Variants in LRP1B observed in about 807,000 individuals in gnomAD.
LRP1B encodes LDL receptor related protein 1B.
LRP1B carries 217 observed loss-of-function variants against 556.6 expected under a neutral mutation model. That is an observed-to-expected ratio of 0.39 (90% CI 0.35 to 0.44). The LOEUF is 0.44. Ranked by LOEUF, LRP1B falls within the 20% of genes least tolerant of loss-of-function variation. The pLI is 1.00. For synonymous variants in LRP1B, 2,047 were observed against 1,865.8 expected, an observed-to-expected ratio of 1.10 and a Z score of -2.50; for missense variants, 5,053 against 5,620.8, an observed-to-expected ratio of 0.90 and a Z score of 3.23.
At chr2:141,736,172 C>T (rs1693461574) in intron 2 of LRP1B, among the ~76,000 whole-genome samples, 2 of 152,008 alleles carry the variant, frequency 1.3e-5, no homozygotes, top group African/African-American at 4.8e-5. Flanking sequence ...GTGGATTTCT[C>T]AGGCTGAGAA....
At chr2:141,152,782 G>T (rs1392915151) in intron 7 of LRP1B, among the ~76,000 whole-genome samples, 1 of 151,342 alleles carries the variant, frequency 6.6e-6, no homozygotes, top group Non-Finnish European at 1.5e-5. Context: ...GAATGAATCG[G>T]TTAAATTCTT....
At chr2:141,904,869 G>T (rs562128899) in intron 1 of LRP1B, among the ~76,000 whole-genome samples, 28 of 151,928 alleles carry the variant, frequency 1.8e-4, no homozygotes, top group African/African-American at 6.5e-4. Context: ...TTTTAATTGC[G>T]GCTGACAAGT....
chr2:141,927,695 A>T (rs979155032), intron 1 of LRP1B, among the ~76,000 whole-genome samples: 10 of 152,074 alleles, frequency 6.6e-5, no homozygotes, highest in African/African-American at 2.4e-4. Context: ...TGACTAATAC[A>T]TATGGCAGCC....
At chr2:140,269,241 C>T in intron 86 of LRP1B, 1 of 469,900 alleles carries the variant, frequency 2.1e-6, no homozygotes. Flanking sequence ...ACACGAAGCG[C>T]AGCGATAAGT....
At chr2:141,441,325 A>G (rs1035177201) in intron 3 of LRP1B, among the ~76,000 whole-genome samples, 1 of 152,024 alleles carries the variant, frequency 6.6e-6, no homozygotes, top group Non-Finnish European at 1.5e-5. Flanking sequence ...TGATCCACCC[A>G]TCTCGGCCTC....
chr2:140,782,606 A>C (rs915054249), intron 32 of LRP1B, among the ~76,000 whole-genome samples: 2 of 152,168 alleles, frequency 1.3e-5, no homozygotes, highest in African/African-American at 4.8e-5. Flanking sequence ...CTCTAGCAAA[A>C]TAATACATTC....
intron 3 of LRP1B, among the ~76,000 whole-genome samples, chr2:141,352,533 T>C (rs1051440933): frequency 3.3e-5 from 5 of 152,038 alleles, no homozygotes; most frequent in Middle Eastern, 3.4e-3. Context: ...AAGATGCTGG[T>C]CTATCTAACT....
At chr2:141,915,236 T>C (rs12471370) in intron 1 of LRP1B, among the ~76,000 whole-genome samples, 13,374 of 152,056 alleles carry the variant, frequency 0.088, 748 homozygotes, top group Middle Eastern at 0.16. Flanking sequence ...AACACAAATA[T>C]GCAAAGGGGA....
At chr2:140,928,648 ACCATGGGC>A (rs1694957432) in intron 20 of LRP1B, among the ~76,000 whole-genome samples, 1 of 152,138 alleles carries the variant, frequency 6.6e-6, no homozygotes, top group African/African-American at 2.4e-5. Context: ...GTACAACCTT[ACCATGGGC>A]CCAGAAAAGA....
chr2:141,442,232 G>A (rs1681004542), intron 3 of LRP1B, among the ~76,000 whole-genome samples: 1 of 152,034 alleles, frequency 6.6e-6, no homozygotes, highest in African/African-American at 2.4e-5. Context: ...GGAAAAGTCT[G>A]TATTTCATAA....
At chr2:141,722,505 CTG>C (rs1692860182) in intron 2 of LRP1B, among the ~76,000 whole-genome samples, 1 of 152,052 alleles carries the variant, frequency 6.6e-6, no homozygotes, top group African/African-American at 2.4e-5. Context: ...TGTTATGTGT[CTG>C]TGTTAATTTA....
intron 7 of LRP1B, among the ~76,000 whole-genome samples, chr2:141,113,879 C>T (rs1446914763): frequency 6.6e-6 from 1 of 152,068 alleles, no homozygotes; most frequent in African/African-American, 2.4e-5. Flanking sequence ...TACAAAGATA[C>T]AGTAATATAA....
At chr2:141,454,862 C>G (rs1681570553) in intron 3 of LRP1B, among the ~76,000 whole-genome samples, 1 of 152,132 alleles carries the variant, frequency 6.6e-6, no homozygotes, top group African/African-American at 2.4e-5. Context: ...AGGTCTTTCT[C>G]CTTATCATTA....
chr2:141,629,342 T>A (rs1688821753), intron 2 of LRP1B, among the ~76,000 whole-genome samples: 1 of 152,134 alleles, frequency 6.6e-6, no homozygotes, highest in African/African-American at 2.4e-5. Context: ...TGTTTAAACA[T>A]TGCTTTTTAA....
chr2:140,927,493 CAAG>C (rs1380708439), intron 20 of LRP1B, among the ~76,000 whole-genome samples: 2 of 151,868 alleles, frequency 1.3e-5, no homozygotes, highest in East Asian at 1.9e-4. Context: ...TATAAAAACT[CAAG>C]AAGAAAAATA....
Position 140,926,708 on chromosome 2 carries a change from G to A in LRP1B, c.3137-3561C>T, listed in dbSNP as rs374809531. Among the ~76,000 whole-genome samples the A allele has an allele frequency of 7.9e-5, 12 of 152,144 alleles. 1 individual carries two copies. The East Asian group carries it at 2.1e-3, about 27-fold the overall frequency. On this transcript the variant is annotated intron_variant, in intron 20 of 90. Transcript: ENST00000389484. ...TACCTAGGATTGGGTCTATATATTCGGGAACTTCATGAGTAGATTTTAGGG... is the reference window on the plus strand; with the variant it reads ...TACCTAGGATTGGGTCTATATATTCAGGAACTTCATGAGTAGATTTTAGGG...
intron 1 of LRP1B, among the ~76,000 whole-genome samples, chr2:141,890,327 T>C (rs1358155226): frequency 4.2e-5 from 2 of 47,578 alleles, no homozygotes; most frequent in African/African-American, 1.5e-4. Context: ...ACAATACATA[T>C]ATATATATAT....
At chr2:141,752,827 C>A (rs111692244) in intron 2 of LRP1B, among the ~76,000 whole-genome samples, 2 of 149,100 alleles carry the variant, frequency 1.3e-5, no homozygotes, top group Non-Finnish European at 3.0e-5. Flanking sequence ...GTGGTCCCTG[C>A]GACTTGCTTG....
intron 20 of LRP1B, 91 bp downstream of exon 20, chr2:140,950,144 C>A: frequency 6.6e-6 from 5 of 753,180 alleles, no homozygotes; most frequent in Non-Finnish European, 8.8e-6. Flanking sequence ...TAAGCAATTT[C>A]TTTTTATACA....
Sources: gnomAD v4.1 joint callset for allele counts (sites outside exome capture counted in the v4.1 genomes callset) on GRCh38, gnomAD v4.1.1 for gene constraint, MANE v1.5 for transcripts, NCBI Gene and HGNC (gene_info 2026-07-23, HGNC 2026-07-21) for gene names.